The following PTPRK variants were observed in gnomAD, a reference collection of about 807,000 sequenced individuals.
PTPRK encodes protein tyrosine phosphatase receptor type K, also known as receptor-type tyrosine-protein phosphatase kappa.
In PTPRK, 75 loss-of-function variants were observed where a neutral mutation model predicts 178.0. The ratio of observed to expected loss-of-function variants is 0.42; its 90% CI spans 0.35 to 0.51. The LOEUF (loss-of-function observed/expected upper bound fraction) is 0.51. Among genes scored for constraint, PTPRK ranks in the 20% least tolerant of loss-of-function variants. The pLI is 0.02. For synonymous variants in PTPRK, 637 were observed against 620.6 expected (o/e 1.03, Z -0.39); for missense variants, 1,441 against 1,797.8 (o/e 0.80, Z 3.59).
At chr6:128,269,278 C>A (rs1819417505) in intron 3 of PTPRK, among the ~76,000 whole-genome samples, 1 of 151,920 alleles carries the variant, frequency 6.6e-6, no homozygotes, top group South Asian at 2.1e-4. Context: ...TAGAAAGCAT[C>A]TGTAATATGT....
At chr6:128,215,896 C>T (rs1809188859) in intron 6 of PTPRK, among the ~76,000 whole-genome samples, 2 of 151,772 alleles carry the variant, frequency 1.3e-5, no homozygotes, top group Admixed American at 1.3e-4. Context: ...AGAGATAGGA[C>T]CTGTCAGCAC....
At position 128,009,212 on chromosome 6, in the gene PTPRK, C is replaced by T; in HGVS notation, c.2251G>A (p.Val751Met). The change falls in exon 14 of 30, where the codon GTG becomes ATG. Residue 751 changes from valine to methionine, a missense_variant. Transcript: ENST00000368226. ...GCACTAATTCCTGCTATTTTCACCA[C>T]TCTGTCTGTCTGCTTGGCGGGATCT... ...IPDPAKQTDR[V>M]VKIAGISAGI... 3 of 1,609,044 alleles carry T rather than the reference C, an allele frequency of 1.9e-6. No individual in the cohort carries two copies. Among genetic ancestry groups the T allele is most frequent in the Non-Finnish European group, 2.5e-6 (3 of 1,176,874 alleles).
intron 3 of PTPRK, among the ~76,000 whole-genome samples, chr6:128,243,730 T>G (rs191083379): frequency 6.6e-6 from 1 of 152,116 alleles, no homozygotes; most frequent in East Asian, 1.9e-4. Context: ...TGCTGTGACT[T>G]TCAAGAGAAA....
At chr6:128,457,901 C>T (rs150159768) in intron 1 of PTPRK, among the ~76,000 whole-genome samples, 123 of 152,202 alleles carry the variant, frequency 8.1e-4, no homozygotes, top group East Asian at 1.4e-3. Flanking sequence ...TATCCAAACA[C>T]GAAAACATTG....
At chr6:128,211,885 T>A (rs1007641165) in intron 6 of PTPRK, among the ~76,000 whole-genome samples, 1 of 151,998 alleles carries the variant, frequency 6.6e-6, no homozygotes, top group African/African-American at 2.4e-5. Context: ...TCTATTGCCA[T>A]CCTTACTCAT....
At chr6:128,124,551 A>G (rs1435956758) in intron 7 of PTPRK, among the ~76,000 whole-genome samples, 1 of 152,090 alleles carries the variant, frequency 6.6e-6, no homozygotes, top group Non-Finnish European at 1.5e-5. Flanking sequence ...TCATTGTTTC[A>G]TGGCCCTTAA....
At chr6:128,414,854 T>C (rs998680956) in intron 1 of PTPRK, among the ~76,000 whole-genome samples, 1 of 152,232 alleles carries the variant, frequency 6.6e-6, no homozygotes, top group Admixed American at 6.5e-5. Flanking sequence ...ATTTTTTCAC[T>C]TGATATAAAA....
At chr6:128,368,108 G>A (rs1835774984) in intron 2 of PTPRK, among the ~76,000 whole-genome samples, 1 of 151,984 alleles carries the variant, frequency 6.6e-6, no homozygotes, top group Admixed American at 6.6e-5. Flanking sequence ...AAATCTACAG[G>A]TGTCAGAAAA....
In PTPRK at chr6:128,079,063, C is replaced by G. The variant is rs1472060492; in HGVS notation, c.1778-145G>C. The G allele has an allele frequency of 8.6e-6, 4 of 464,814 alleles. No individual in the cohort carries two copies. In the East Asian group the frequency reaches 9.3e-5, roughly 11 times the overall value. The allele number at this position is 464,814 out of a possible 1,614,324, so 28.8% of individuals were successfully genotyped here. On this transcript the variant is annotated intron_variant, in intron 10 of 29. Coordinates refer to ENST00000368226, the MANE Select transcript of PTPRK (RefSeq NM_002844.4). Reference sequence around the variant, plus strand: ...ATTTTGTTTTATAGCATAACATCTCCAAATGAATTTCAACTCTGGGAACTT... The same window carrying G: ...ATTTTGTTTTATAGCATAACATCTCGAAATGAATTTCAACTCTGGGAACTT...
At chr6:127,977,776 C>T (rs907448647) in intron 25 of PTPRK, among the ~76,000 whole-genome samples, 2 of 152,166 alleles carry the variant, frequency 1.3e-5, no homozygotes, top group Non-Finnish European at 2.9e-5. Context: ...TCCTTGTTAA[C>T]CAAGTCCTCC....
intron 7 of PTPRK, among the ~76,000 whole-genome samples, chr6:128,159,870 G>C (rs559997571): frequency 1.3e-5 from 2 of 151,668 alleles, no homozygotes; most frequent in Non-Finnish European, 3.0e-5. Flanking sequence ...ACAGATTTAT[G>C]GTAAGATGGC....
chr6:128,349,350 G>T (rs1326668787), intron 2 of PTPRK, among the ~76,000 whole-genome samples: 1 of 151,990 alleles, frequency 6.6e-6, no homozygotes, highest in Non-Finnish European at 1.5e-5. Context: ...CTGGATAGTG[G>T]TTTATAATTG....
At chr6:128,104,349 C>T (rs1358030450) in intron 7 of PTPRK, among the ~76,000 whole-genome samples, 4 of 152,192 alleles carry the variant, frequency 2.6e-5, no homozygotes, top group Admixed American at 1.3e-4. Context: ...GCCTCAGCCT[C>T]CCGAGTTGCT....
At chr6:128,255,468 A>G (rs921774892) in intron 3 of PTPRK, among the ~76,000 whole-genome samples, 4 of 152,238 alleles carry the variant, frequency 2.6e-5, no homozygotes, top group African/African-American at 9.7e-5. Flanking sequence ...AAGAGTGTAT[A>G]GAATAGAAAC....
At chr6:128,316,780 C>A (rs1201867290) in intron 3 of PTPRK, among the ~76,000 whole-genome samples, 2 of 147,140 alleles carry the variant, frequency 1.4e-5, no homozygotes, top group Non-Finnish European at 3.0e-5. Context: ...TGCAGTGGTG[C>A]GATCTCCACT....
chr6:128,223,414 T>C (rs1583558719), intron 5 of PTPRK, among the ~76,000 whole-genome samples: 1 of 152,014 alleles, frequency 6.6e-6, no homozygotes, highest in South Asian at 2.1e-4. Flanking sequence ...GAAATAATTA[T>C]ACCACAACTC....
intron 2 of PTPRK, among the ~76,000 whole-genome samples, chr6:128,332,094 C>T (rs962195076): frequency 3.9e-5 from 6 of 152,144 alleles, no homozygotes; most frequent in Admixed American, 3.3e-4. Flanking sequence ...ACCCGCTACA[C>T]TACACATTAA....
chr6:128,491,988 G>C, intron 1 of PTPRK: 2 of 381,624 alleles, frequency 5.2e-6, no homozygotes, highest in South Asian at 3.8e-5. Flanking sequence ...TTCTAATTGT[G>C]GAAGTCTGAT....
intron 3 of PTPRK, among the ~76,000 whole-genome samples, chr6:128,279,183 AG>A (rs1476336364): frequency 6.7e-6 from 1 of 149,224 alleles, no homozygotes; most frequent in African/African-American, 2.5e-5. Flanking sequence ...TGGGAGAACA[AG>A]TCCCCCAAAT....
Sources: allele counts gnomAD v4.1 joint callset (sites outside exome capture counted in the v4.1 genomes callset), GRCh38; gene constraint gnomAD v4.1.1; transcripts MANE v1.5; gene names NCBI Gene and HGNC (gene_info 2026-07-23, HGNC 2026-07-21).